CACNG2: variants seen among roughly 807,000 people sequenced by gnomAD.
The protein encoded by CACNG2 is calcium voltage-gated channel auxiliary subunit gamma 2, also known as voltage-dependent calcium channel gamma-2 subunit.
In CACNG2, 3 loss-of-function variants were observed where a neutral mutation model predicts 25.9. The ratio of observed to expected loss-of-function variants is 0.12; its 90% CI spans 0.05 to 0.30. CACNG2 has a LOEUF of 0.30. Among genes scored for constraint, CACNG2 ranks in the 10% least tolerant of loss-of-function variants. CACNG2 has a pLI of 1.00. For synonymous variants in CACNG2, 167 were observed against 173.3 expected (o/e 0.96, Z 0.29); for missense variants, 341 against 432.5 (o/e 0.79, Z 1.88).
At chr22:36,686,305 T>C (rs573057909) in intron 1 of CACNG2, among the ~76,000 whole-genome samples, 3 of 152,306 alleles carry the variant, frequency 2.0e-5, no homozygotes, top group South Asian at 4.2e-4. Context: ...TCTAAGGAGA[T>C]GACCCTGTCA....
chr22:36,601,676 G>A (rs1466650614), intron 1 of CACNG2, among the ~76,000 whole-genome samples: 1 of 151,998 alleles, frequency 6.6e-6, no homozygotes, highest in African/African-American at 2.4e-5. Flanking sequence ...GTAGAGAGAG[G>A]GTTTCGCCAT....
intron 1 of CACNG2, among the ~76,000 whole-genome samples, chr22:36,666,423 A>ATTAAT (rs111599050): frequency 0.33 from 49,538 of 151,542 alleles, 8,518 homozygotes; most frequent in Middle Eastern, 0.44. Context: ...AAATAAATAA[A>ATTAAT]TAAATAAATA....
At chr22:36,667,202 C>T (rs1264278835) in intron 1 of CACNG2, among the ~76,000 whole-genome samples, 1 of 152,180 alleles carries the variant, frequency 6.6e-6, no homozygotes, top group Non-Finnish European at 1.5e-5. Flanking sequence ...AACTTCTGAC[C>T]TCGGCCTTCC....
At position 36,684,887 on chromosome 22, in the gene CACNG2, T is replaced by C. The variant is rs111628109; in HGVS notation, c.211+17479A>G. Among the ~76,000 whole-genome samples the C allele has an allele frequency of 7.6e-3, 1,158 of 152,328 alleles. 13 individuals carry two copies. Among genetic ancestry groups the C allele is most frequent in the African/African-American group, 0.027 (1,117 of 41,582 alleles). On this transcript the variant is annotated intron_variant, in intron 1 of 3. Coordinates refer to ENST00000300105, the MANE Select transcript of CACNG2 (RefSeq NM_006078.5). The stretch of plus-strand genomic sequence containing the variant: ...AGGATTCAAACCCAGGTCTGTCTGA[T>C]GCCCAAACTGGGCTCTTTCTGCTGG...
intron 2 of CACNG2, among the ~76,000 whole-genome samples, chr22:36,573,504 G>A (rs1358866719): frequency 2.0e-5 from 3 of 152,042 alleles, no homozygotes; most frequent in African/African-American, 4.8e-5. Context: ...GCTAATTTTT[G>A]TATTTTTAGT....
At chr22:36,595,898 CAAG>C (rs1379484755) in intron 1 of CACNG2, among the ~76,000 whole-genome samples, 3 of 152,158 alleles carry the variant, frequency 2.0e-5, no homozygotes, top group African/African-American at 7.2e-5. Context: ...AGCTCTGGCT[CAAG>C]GAGTTTACCA....
chr22:36,580,297 G>C (rs1286268984), intron 2 of CACNG2, among the ~76,000 whole-genome samples: 2 of 152,070 alleles, frequency 1.3e-5, no homozygotes, highest in Admixed American at 6.5e-5. Context: ...TCCCTGCCTT[G>C]GCCGCCTTCT....
In CACNG2 at chr22:36,703,262, G is replaced by GGCGGC. The variant is rs1453407074; in HGVS notation, c.-687_-686insGCCGC. On this transcript the variant is annotated 5_prime_UTR_variant, in exon 1 of 4. Transcript: ENST00000300105. ...CAGCGGCGGCGGCGGCGGCGGCGGC[G>GGCGGC]GCAGGGCGGGCAGGCGCGGCGGCGG... The GGCGGC allele has an allele frequency of 6.3e-6, 1 of 157,630 alleles. No homozygotes were observed. Among genetic ancestry groups the GGCGGC allele is most frequent in the Admixed American group, 6.7e-5 (1 of 14,938 alleles). The allele number at this position is 157,630 out of a possible 1,614,324, so 9.8% of individuals were successfully genotyped here.
At position 36,653,476 on chromosome 22, in the gene CACNG2, G is replaced by A. The variant is rs1453283045; in HGVS notation, c.211+48890C>T. On this transcript the variant is annotated intron_variant, in intron 1 of 3. Transcript: ENST00000300105. ...GTGCCTCAGTTGGCTGGAGCTGACC[G>A]GGGGCTGCCCGGGCTGGGGCCTGTG... 5.3e-5 allele frequency among the ~76,000 whole-genome samples: 8 copies of A among 152,302 alleles called. No homozygotes were observed. The South Asian group carries it at 1.0e-3, about 20-fold the overall frequency.
In CACNG2 at chr22:36,693,994, C is replaced by T. The variant is rs577136303; in HGVS notation, c.211+8372G>A. 5.3e-5 allele frequency among the ~76,000 whole-genome samples: 8 copies of T among 152,302 alleles called. No homozygotes were observed. In the East Asian group the frequency reaches 1.4e-3, roughly 26 times the overall value. On this transcript the variant is annotated intron_variant, in intron 1 of 3. Coordinates refer to ENST00000300105, the MANE Select transcript of CACNG2 (RefSeq NM_006078.5). Reference sequence around the variant, plus strand: ...TCCCACACAGTACCTGGCAAATACTCGGGAACAGTTGTTGGAAAAGAGCAA... The same window carrying T: ...TCCCACACAGTACCTGGCAAATACTTGGGAACAGTTGTTGGAAAAGAGCAA...
At chr22:36,702,273 T>C (rs925193532) in intron 1 of CACNG2, 93 bp downstream of exon 1, 1 of 764,842 alleles carries the variant, frequency 1.3e-6, no homozygotes, top group South Asian at 1.6e-5. Context: ...AATGGTGGAA[T>C]GTAAAGGGGA....
intron 1 of CACNG2, among the ~76,000 whole-genome samples, chr22:36,592,306 T>C (rs1935609212): frequency 6.7e-6 from 1 of 149,610 alleles, no homozygotes; most frequent in Non-Finnish European, 1.5e-5. Flanking sequence ...GTCAAAGCAT[T>C]GTTGAAATGG....
chr22:36,565,254 G>A (rs1023068503), intron 3 of CACNG2, among the ~76,000 whole-genome samples: 3 of 152,248 alleles, frequency 2.0e-5, no homozygotes, highest in African/African-American at 7.2e-5. Flanking sequence ...CAAGCACAGA[G>A]AGGTTAAGGA....
intron 1 of CACNG2, among the ~76,000 whole-genome samples, chr22:36,601,291 C>T (rs114972256): frequency 0.011 from 1,702 of 152,176 alleles, 24 homozygotes; most frequent in African/African-American, 0.039. Context: ...TTTCACTTAG[C>T]GTATTGTCCT....
intron 1 of CACNG2, among the ~76,000 whole-genome samples, chr22:36,636,454 G>T (rs567573203): frequency 2.2e-4 from 33 of 152,152 alleles, no homozygotes; most frequent in Non-Finnish European, 4.4e-4. Flanking sequence ...CTGGACAGGG[G>T]GAAAGATGGC....
chr22:36,624,603 TGCTG>T (rs1936155872), intron 1 of CACNG2, among the ~76,000 whole-genome samples: 1 of 152,176 alleles, frequency 6.6e-6, no homozygotes. Flanking sequence ...CCTTTCATCT[TGCTG>T]GCCCCCCTCC....
At chr22:36,602,412 A>G (rs1017731954) in intron 1 of CACNG2, among the ~76,000 whole-genome samples, 3 of 151,910 alleles carry the variant, frequency 2.0e-5, no homozygotes. Flanking sequence ...TTGAGACAGA[A>G]TCTTGCTCTG....
chr22:36,616,733 G>A (rs1208451345), intron 1 of CACNG2, among the ~76,000 whole-genome samples: 1 of 152,060 alleles, frequency 6.6e-6, no homozygotes, highest in African/African-American at 2.4e-5. Context: ...TGCTTCAACT[G>A]CCATCTCCTT....
chr22:36,641,327 G>A (rs950912003), intron 1 of CACNG2, among the ~76,000 whole-genome samples: 32 of 152,212 alleles, frequency 2.1e-4, no homozygotes, highest in Non-Finnish European at 2.6e-4. Flanking sequence ...CTGGCTCAGT[G>A]TAGATAGCCA....
Sources: allele counts gnomAD v4.1 joint callset (sites outside exome capture counted in the v4.1 genomes callset), GRCh38; gene constraint gnomAD v4.1.1; transcripts MANE v1.5; gene names NCBI Gene and HGNC (gene_info 2026-07-23, HGNC 2026-07-21).